The following CRPPA variants were observed in gnomAD, a reference collection of about 807,000 sequenced individuals.
The protein encoded by CRPPA is D-ribitol-5-phosphate cytidylyltransferase.
CRPPA carries 43 observed loss-of-function variants against 52.0 expected under a neutral mutation model. The observed-to-expected ratio is 0.83, with a 90% CI of 0.65 to 1.07. The LOEUF (loss-of-function observed/expected upper bound fraction) is 1.07, where lower values mean the gene tolerates loss of function less well. Ranked by LOEUF, CRPPA falls within the 50% of genes least tolerant of loss-of-function variation. CRPPA has a pLI of 0.00. For synonymous variants in CRPPA, 250 were observed against 203.5 expected (o/e 1.23, Z -1.94); for missense variants, 629 against 551.7 (o/e 1.14, Z -1.40).
chr7:16,190,901 A>G (rs1436042006), intron 9 of CRPPA, among the ~76,000 whole-genome samples: 2 of 152,124 alleles, frequency 1.3e-5, no homozygotes, highest in Non-Finnish European at 2.9e-5. Flanking sequence ...CACATAGAAT[A>G]ATAGTCTCCA....
chr7:16,208,949 T>G (rs962225106), intron 9 of CRPPA: 3 of 391,140 alleles, frequency 7.7e-6, no homozygotes, highest in African/African-American at 2.1e-5. Context: ...ACAAACGTGG[T>G]GAACATTCCT....
At chr7:16,306,022 C>G (rs999361907) in intron 4 of CRPPA, among the ~76,000 whole-genome samples, 21 of 152,186 alleles carry the variant, frequency 1.4e-4, no homozygotes, top group African/African-American at 5.1e-4. Flanking sequence ...GGCTGGCAAC[C>G]CCTGCCATTC....
intron 3 of CRPPA, among the ~76,000 whole-genome samples, chr7:16,365,231 G>A (rs892653018): frequency 6.6e-5 from 10 of 152,212 alleles, no homozygotes; most frequent in African/African-American, 2.2e-4. Flanking sequence ...CTGCCTCTGG[G>A]AGAAATGCTA....
intron 9 of CRPPA, among the ~76,000 whole-genome samples, chr7:16,142,798 G>A (rs1782898732): frequency 6.6e-6 from 1 of 152,114 alleles, no homozygotes; most frequent in African/African-American, 2.4e-5. Flanking sequence ...GAACACTAAT[G>A]CGTTATAAAA....
intron 9 of CRPPA, among the ~76,000 whole-genome samples, chr7:16,096,853 G>A (rs558500593): frequency 2.0e-5 from 3 of 152,236 alleles, no homozygotes; most frequent in South Asian, 2.1e-4. Context: ...CATACTGGGC[G>A]GGAAAATATA....
At chr7:16,227,867 T>G (rs1234089631) in intron 8 of CRPPA, among the ~76,000 whole-genome samples, 1 of 151,906 alleles carries the variant, frequency 6.6e-6, no homozygotes, top group Non-Finnish European at 1.5e-5. Flanking sequence ...AGTAGTTTCA[T>G]AGATTCTAAT....
At chr7:16,336,378 C>T (rs113312741) in intron 3 of CRPPA, among the ~76,000 whole-genome samples, 1 of 152,042 alleles carries the variant, frequency 6.6e-6, no homozygotes, top group African/African-American at 2.4e-5. Flanking sequence ...AGTGAACGCA[C>T]AGATTTTTTG....
intron 3 of CRPPA, among the ~76,000 whole-genome samples, chr7:16,342,353 C>T (rs1338485698): frequency 6.6e-6 from 1 of 151,996 alleles, no homozygotes; most frequent in African/African-American, 2.4e-5. Context: ...GAGAAAATGA[C>T]ATGGGAGAAA....
chr7:16,313,927 G>C (rs1785089543), intron 3 of CRPPA, among the ~76,000 whole-genome samples: 1 of 151,914 alleles, frequency 6.6e-6, no homozygotes, highest in Non-Finnish European at 1.5e-5. Context: ...CCAGAAAGTG[G>C]TCTATCTTGT....
chr7:16,250,461 G>C (rs1485085463), intron 8 of CRPPA, among the ~76,000 whole-genome samples: 3 of 152,098 alleles, frequency 2.0e-5, no homozygotes, highest in Admixed American at 1.3e-4. Context: ...AAAAGGTTAA[G>C]GGTAGCTGGA....
rs552790449 is a variant in CRPPA at position 16,141,755 on chromosome 7, C to A, written c.1252-49956G>T. On this transcript the variant is annotated intron_variant, in intron 9 of 9. Transcript: ENST00000407010. ...CAGTATAATATATGCATGTACTCAT[C>A]TACCAATGTCAAACATTCAACTTGT... Among the ~76,000 whole-genome samples the A allele has an allele frequency of 4.6e-5, 7 of 152,298 alleles. No individual in the cohort carries two copies. In the East Asian group the frequency reaches 1.2e-3, roughly 25 times the overall value.
chr7:16,275,371 A>G (rs1361063388), intron 6 of CRPPA, among the ~76,000 whole-genome samples: 1 of 152,160 alleles, frequency 6.6e-6, no homozygotes, highest in African/African-American at 2.4e-5. Flanking sequence ...ACCAATAAAC[A>G]GAAGCACCGT....
At chr7:16,152,417 C>T (rs1046246977) in intron 9 of CRPPA, among the ~76,000 whole-genome samples, 2 of 151,768 alleles carry the variant, frequency 1.3e-5, no homozygotes, top group African/African-American at 4.8e-5. Context: ...CGGTAACTAC[C>T]CCCCAGTGAG....
chr7:16,326,736 T>C (rs1583521485), intron 3 of CRPPA, among the ~76,000 whole-genome samples: 1 of 152,192 alleles, frequency 6.6e-6, no homozygotes, highest in African/African-American at 2.4e-5. Context: ...CCAATAACTA[T>C]AATCCTTGTG....
intron 8 of CRPPA, among the ~76,000 whole-genome samples, chr7:16,251,414 G>C (rs62440407): frequency 0.3 from 46,055 of 151,914 alleles, 8,715 homozygotes; most frequent in Admixed American, 0.43. Flanking sequence ...CCCAAATCAA[G>C]AGAATATACC....
At chr7:16,387,076 T>TATATATAC (rs1787303838) in intron 2 of CRPPA, among the ~76,000 whole-genome samples, 2 of 65,692 alleles carry the variant, frequency 3.0e-5, no homozygotes, top group African/African-American at 1.8e-4. Context: ...TATATATATA[T>TATATATAC]ATATATATAT....
chr7:16,143,360 A>C (rs1233709878), intron 9 of CRPPA, among the ~76,000 whole-genome samples: 2 of 152,218 alleles, frequency 1.3e-5, no homozygotes, highest in African/African-American at 4.8e-5. Context: ...CAACAATGTC[A>C]ATATTAAAGT....
intron 3 of CRPPA, among the ~76,000 whole-genome samples, chr7:16,319,028 A>C (rs1269878436): frequency 6.6e-6 from 1 of 152,058 alleles, no homozygotes; most frequent in Non-Finnish European, 1.5e-5. Flanking sequence ...ATATACCCTA[A>C]CACTTCCCAT....
intron 8 of CRPPA, among the ~76,000 whole-genome samples, chr7:16,249,197 G>C (rs888580481): frequency 6.6e-6 from 1 of 152,114 alleles, no homozygotes; most frequent in Non-Finnish European, 1.5e-5. Flanking sequence ...CTCTGGGCAG[G>C]GCATCTCTGA....
Sources: gnomAD v4.1 joint callset for allele counts (sites outside exome capture counted in the v4.1 genomes callset) on GRCh38, gnomAD v4.1.1 for gene constraint, MANE v1.5 for transcripts, NCBI Gene and HGNC (gene_info 2026-07-23, HGNC 2026-07-21) for gene names.